The following PCCA variants were observed in gnomAD, a reference collection of about 807,000 sequenced individuals.
PCCA encodes propionyl-CoA carboxylase subunit alpha, also known as propionyl-CoA carboxylase alpha chain, mitochondrial.
A neutral mutation model predicts 101.3 loss-of-function variants in PCCA; 74 were observed. That is an observed-to-expected ratio of 0.73 (90% CI 0.61 to 0.89). PCCA has a LOEUF of 0.89. Ranked by LOEUF, PCCA falls within the 40% of genes least tolerant of loss-of-function variation. The probability of loss-of-function intolerance (pLI) is 0.00; values close to 1 mark genes in which losing one functional copy is unlikely to be tolerated. For synonymous variants in PCCA, 294 were observed against 313.6 expected, an observed-to-expected ratio of 0.94 and a Z score of 0.66; for missense variants, 891 against 907.0, an observed-to-expected ratio of 0.98 and a Z score of 0.23.
At chr13:100,444,651 C>T (rs2152921055) in intron 20 of PCCA, among the ~76,000 whole-genome samples, 1 of 152,072 alleles carries the variant, frequency 6.6e-6, no homozygotes, top group South Asian at 2.1e-4. Flanking sequence ...CCATGTTAGC[C>T]AGGATGGTCT....
chr13:100,519,044 T>TGTTA (rs2153000582), intron 22 of PCCA, among the ~76,000 whole-genome samples: 1 of 152,358 alleles, frequency 6.6e-6, no homozygotes, highest in East Asian at 1.9e-4. Flanking sequence ...ACATTCGCTT[T>TGTTA]GTTAGCCTTT....
intron 12 of PCCA, among the ~76,000 whole-genome samples, chr13:100,281,211 G>T (rs909828005): frequency 7.9e-5 from 12 of 152,104 alleles, no homozygotes; most frequent in Non-Finnish European, 5.9e-5. Context: ...GACTTAATAA[G>T]GAAAGAAAAG....
chr13:100,271,032 T>A (rs2063278691), intron 11 of PCCA, among the ~76,000 whole-genome samples: 2 of 146,856 alleles, frequency 1.4e-5, no homozygotes, highest in South Asian at 2.2e-4. Context: ...AAAATAAAAA[T>A]AAAAAAAAGA....
chr13:100,257,832 AC>A (rs1246271843), intron 9 of PCCA, among the ~76,000 whole-genome samples, 159 bp downstream of exon 9: 1 of 152,172 alleles, frequency 6.6e-6, no homozygotes, highest in Admixed American at 6.5e-5. Flanking sequence ...TTATGTGGAA[AC>A]CTTCCTTATT....
rs558389085 is a variant in PCCA at position 100,122,393 on chromosome 13, T to C, written c.300+10332T>C. Among the ~76,000 whole-genome samples, 13 of 152,308 alleles carry C rather than the reference T, an allele frequency of 8.5e-5. No individual in the cohort carries two copies. In the East Asian group the frequency reaches 2.5e-3, roughly 29 times the overall value. On this transcript the variant is annotated intron_variant, in intron 4 of 23. Transcript: ENST00000376285. ...CCTTTCTCTCATCTTCTAGTTTTTT[T>C]GGAAGAATTGGTATTAACTTTTCTT...
intron 21 of PCCA, among the ~76,000 whole-genome samples, chr13:100,513,823 G>A (rs541245242): frequency 4.6e-5 from 7 of 152,304 alleles, no homozygotes; most frequent in Non-Finnish European, 1.0e-4. Context: ...AGCTCAGGGC[G>A]ATACCAACTA....
At chr13:100,177,297 A>T (rs547787650) in intron 6 of PCCA, among the ~76,000 whole-genome samples, 1 of 152,332 alleles carries the variant, frequency 6.6e-6, no homozygotes, top group East Asian at 1.9e-4. Flanking sequence ...TTATGAGAAG[A>T]CTAAAGCTTA....
At chr13:100,229,193 G>C (rs867473532) in intron 7 of PCCA, among the ~76,000 whole-genome samples, 7 of 152,114 alleles carry the variant, frequency 4.6e-5, no homozygotes, top group African/African-American at 1.7e-4. Flanking sequence ...GCATGATGTG[G>C]TGGAAGAAGT....
At chr13:100,379,008 T>C (rs1468966714) in intron 19 of PCCA, among the ~76,000 whole-genome samples, 1 of 152,208 alleles carries the variant, frequency 6.6e-6, no homozygotes, top group Non-Finnish European at 1.5e-5. Context: ...ATGTTTCCTG[T>C]GTCCTTACGT....
intron 8 of PCCA, among the ~76,000 whole-genome samples, chr13:100,242,501 G>C (rs965039227): frequency 2.6e-5 from 4 of 152,162 alleles, no homozygotes; most frequent in Non-Finnish European, 5.9e-5. Context: ...AGATCAGTAA[G>C]GGAGGGAATA....
chr13:100,296,277 A>G (rs996116029), intron 12 of PCCA, among the ~76,000 whole-genome samples: 1 of 151,724 alleles, frequency 6.6e-6, no homozygotes, highest in Non-Finnish European at 1.5e-5. Flanking sequence ...TCTCACTCCC[A>G]TTTCCCAGAC....
chr13:100,198,947 C>T (rs890249687), intron 6 of PCCA, among the ~76,000 whole-genome samples: 2 of 148,082 alleles, frequency 1.4e-5, no homozygotes, highest in Admixed American at 6.8e-5. Flanking sequence ...GCCTAAAGTC[C>T]CTGGAAGAGG....
intron 18 of PCCA, 32 bp downstream of exon 18, chr13:100,340,291 A>G (rs373359474): frequency 1.0e-5 from 11 of 1,081,152 alleles, no homozygotes; most frequent in Non-Finnish European, 1.6e-5. Flanking sequence ...AGAATAAATG[A>G]GCAGAACAAT....
Position 100,321,778 on chromosome 13 carries a change from T to G in PCCA, c.1430-8783T>G, listed in dbSNP as rs370402221. Among the ~76,000 whole-genome samples the G allele has an allele frequency of 1.2e-3, 185 of 152,284 alleles. 2 individuals are homozygous for G. The highest frequency in any genetic ancestry group is 0.01 in the South Asian group (50 of 4,822). ...ATTTGTGAATGTTTTCTAAACGTCT[T>G]GAGGCAGTTTTGATAAATTGAGAAT... is the stretch of plus-strand genomic sequence containing the variant. On this transcript the variant is annotated intron_variant, in intron 16 of 23. Coordinates refer to ENST00000376285, the MANE Select transcript of PCCA (RefSeq NM_000282.4).
At chr13:100,477,792 C>G (rs902239390) in intron 21 of PCCA, among the ~76,000 whole-genome samples, 11 of 152,174 alleles carry the variant, frequency 7.2e-5, no homozygotes, top group African/African-American at 2.4e-4. Context: ...CCCTTCACCC[C>G]TGAGTCCTGA....
chr13:100,401,070 C>A (rs1399517760), intron 19 of PCCA, among the ~76,000 whole-genome samples: 1 of 152,094 alleles, frequency 6.6e-6, no homozygotes, highest in East Asian at 1.9e-4. Context: ...AAACCAAGAT[C>A]ATATTTCAGA....
chr13:100,202,168 C>CAA (rs10678691), intron 6 of PCCA, among the ~76,000 whole-genome samples: 32,685 of 96,368 alleles, frequency 0.34, 4,968 homozygotes, highest in East Asian at 0.69. Context: ...CATCTCTACC[C>CAA]AAAAAAAAAA....
chr13:100,431,723 G>C (rs1391578844), intron 20 of PCCA, among the ~76,000 whole-genome samples: 1 of 151,878 alleles, frequency 6.6e-6, no homozygotes, highest in Non-Finnish European at 1.5e-5. Context: ...AAAATTAGCT[G>C]GGTGTGGTGG....
chr13:100,204,639 G>A (rs2058744279), intron 6 of PCCA, among the ~76,000 whole-genome samples: 1 of 152,060 alleles, frequency 6.6e-6, no homozygotes, highest in Admixed American at 6.6e-5. Flanking sequence ...CTGACATAAA[G>A]CCTATGGTAA....
Sources: allele counts gnomAD v4.1 joint callset (sites outside exome capture counted in the v4.1 genomes callset), GRCh38; gene constraint gnomAD v4.1.1; transcripts MANE v1.5; gene names NCBI Gene and HGNC (gene_info 2026-07-23, HGNC 2026-07-21).